DOCK9: variants seen among roughly 807,000 people sequenced by gnomAD.
DOCK9 encodes the protein dedicator of cytokinesis 9, also known as dedicator of cytokinesis protein 9.
DOCK9 carries 89 observed loss-of-function variants against 263.3 expected under a neutral mutation model. The observed-to-expected ratio is 0.34, with a 90% CI of 0.28 to 0.40. The LOEUF (loss-of-function observed/expected upper bound fraction) is 0.40, where lower values mean the gene tolerates loss of function less well. Ranked by LOEUF, DOCK9 falls within the 10% of genes least tolerant of loss-of-function variation. The probability of loss-of-function intolerance (pLI) is 1.00; values close to 1 mark genes in which losing one functional copy is unlikely to be tolerated. For synonymous variants in DOCK9, 976 were observed against 973.1 expected (o/e 1.00, Z -0.06); for missense variants, 2,140 against 2,603.4 (o/e 0.82, Z 3.87).
intron 25 of DOCK9, 139 bp downstream of exon 25, chr13:98,881,419 C>A: frequency 1.6e-6 from 1 of 640,100 alleles, no homozygotes. Flanking sequence ...CAGGTACAAG[C>A]ATTGGCTATG....
intron 36 of DOCK9, among the ~76,000 whole-genome samples, chr13:98,849,596 C>T (rs1463315139): frequency 2.0e-5 from 3 of 151,994 alleles, no homozygotes; most frequent in Non-Finnish European, 2.9e-5. Context: ...AAGTAAAGAG[C>T]TTAAAGGAAA....
chr13:98,865,872 T>C (rs1265728373), intron 30 of DOCK9, among the ~76,000 whole-genome samples: 3 of 151,164 alleles, frequency 2.0e-5, no homozygotes, highest in Non-Finnish European at 2.9e-5. Flanking sequence ...GGGAGGAAGA[T>C]GAGGATTCCC....
chr13:98,881,922 G>A lies in DOCK9; in HGVS notation c.2645C>T (p.Thr882Ile), dbSNP rs1473802208. Residue 882 changes from threonine (T) to isoleucine (I), a missense_variant, in exon 24 of 53, where the codon ACA becomes ATA. Coordinates refer to ENST00000682017, the MANE Select transcript of DOCK9 (RefSeq NM_001366683.2). Reference sequence around the variant, plus strand: ...CACGTTAACCGCGACTTCTTCCTGTGTGGCTCTGGTGAGGACTCGGAACAG... The same window carrying A: ...CACGTTAACCGCGACTTCTTCCTGTATGGCTCTGGTGAGGACTCGGAACAG... ...NQLFRVLTRATQEEVAVNVTR... is the reference protein window; with the variant it reads ...NQLFRVLTRAIQEEVAVNVTR... 6.3e-7 allele frequency: 1 copy of A among 1,593,852 alleles called. No individual in the cohort carries two copies. Among genetic ancestry groups the A allele is most frequent in the Non-Finnish European group, 8.5e-7 (1 of 1,170,092 alleles).
chr13:98,934,882 G>C (rs918536076), intron 2 of DOCK9, among the ~76,000 whole-genome samples: 1 of 152,128 alleles, frequency 6.6e-6, no homozygotes, highest in African/African-American at 2.4e-5. Context: ...CACCTTACTG[G>C]GTCCCTACTT....
intron 10 of DOCK9, 62 bp downstream of exon 10, chr13:98,904,569 GC>G: frequency 1.7e-6 from 2 of 1,184,650 alleles, no homozygotes; most frequent in Non-Finnish European, 2.4e-6. Flanking sequence ...AAACAAATAA[GC>G]CCATCGATGA....
Position 98,876,721 on chromosome 13 carries a change from A to T in DOCK9, c.2943+3177T>A, listed in dbSNP as rs148678551. 7.2e-5 allele frequency among the ~76,000 whole-genome samples: 11 copies of T among 152,350 alleles called. No individual in the cohort carries two copies. In the East Asian group the frequency reaches 1.5e-3, roughly 21 times the overall value. ...TTAAGATACGAGACACACTGAATGAAGGCTTTAAGAAAATGTTAGAGGAGC... is the reference window on the plus strand; with the variant it reads ...TTAAGATACGAGACACACTGAATGATGGCTTTAAGAAAATGTTAGAGGAGC... On this transcript the variant is annotated intron_variant, in intron 27 of 52. Coordinates refer to ENST00000682017, the MANE Select transcript of DOCK9 (RefSeq NM_001366683.2).
intron 30 of DOCK9, among the ~76,000 whole-genome samples, chr13:98,863,814 T>C (rs1477930875): frequency 6.6e-6 from 1 of 152,204 alleles, no homozygotes; most frequent in Non-Finnish European, 1.5e-5. Flanking sequence ...GCATCCTACA[T>C]AATTAAATTA....
chr13:98,834,866 T>A (rs897004750), intron 39 of DOCK9, among the ~76,000 whole-genome samples: 2 of 152,186 alleles, frequency 1.3e-5, no homozygotes, highest in Admixed American at 6.5e-5. Flanking sequence ...ACTCACTTCA[T>A]CTTTCTCTCT....
intron 1 of DOCK9, among the ~76,000 whole-genome samples, chr13:99,049,279 T>G (rs1024754065): frequency 1.3e-5 from 2 of 152,180 alleles, no homozygotes; most frequent in Non-Finnish European, 2.9e-5. Flanking sequence ...CCTCAGAATA[T>G]CTGGCCAAAA....
At chr13:98,986,223 C>T (rs1021592769) in intron 1 of DOCK9, among the ~76,000 whole-genome samples, 2 of 152,218 alleles carry the variant, frequency 1.3e-5, no homozygotes, top group African/African-American at 2.4e-5. Context: ...GTTAAACTTA[C>T]TTAAAGCAAG....
chr13:98,977,730 A>AT, intron 1 of DOCK9, 54 bp downstream of exon 1: 1 of 1,581,834 alleles, frequency 6.3e-7, no homozygotes. Flanking sequence ...CACACGCACA[A>AT]TAAGAACCCA....
intron 1 of DOCK9, among the ~76,000 whole-genome samples, chr13:98,999,316 A>ACACACACTCT: frequency 1.7e-4 from 23 of 138,370 alleles, no homozygotes; most frequent in South Asian, 1.6e-3. Flanking sequence ...ACACACACAC[A>ACACACACTCT]CTCTCTCTCT....
upstream of DOCK9, among the ~76,000 whole-genome samples, chr13:99,087,057 G>A (rs2042364375): frequency 6.6e-6 from 1 of 151,880 alleles, no homozygotes; most frequent in Admixed American, 6.5e-5. Flanking sequence ...CCCCCCCTCT[G>A]CGCCCGGGGC....
intron 37 of DOCK9, among the ~76,000 whole-genome samples, chr13:98,848,071 G>C (rs1482349305): frequency 6.6e-6 from 1 of 152,226 alleles, no homozygotes; most frequent in East Asian, 1.9e-4. Flanking sequence ...AGAGTAGGAA[G>C]AGAAAAGGCT....
chr13:98,912,914 A>G (rs2050288131), intron 9 of DOCK9, among the ~76,000 whole-genome samples: 1 of 152,314 alleles, frequency 6.6e-6, no homozygotes, highest in African/African-American at 2.4e-5. Flanking sequence ...GAAATTATGA[A>G]CCCCCAAACA....
intron 1 of DOCK9, chr13:99,086,099 C>T: frequency 7.6e-7 from 1 of 1,313,496 alleles, no homozygotes; most frequent in Non-Finnish European, 9.7e-7. Flanking sequence ...CCTCTTGATT[C>T]CGCGGACCCA....
In DOCK9 at chr13:98,985,241, C is replaced by CT. The variant is rs547236741; in HGVS notation, c.130-29691dup. On this transcript the variant is annotated intron_variant, in intron 1 of 32. Transcript: ENST00000427887. ...CACATCCCACTGTTTAGAGAAGGCT[C>CT]TGTCTGCAGCCATGGAAGGTTTAAG... Among the ~76,000 whole-genome samples the CT allele has an allele frequency of 2.9e-3, 436 of 152,294 alleles. 9 individuals carry two copies. The highest frequency in any genetic ancestry group is 4.0e-4 in the Non-Finnish European group (27 of 68,018).
chr13:98,825,368 C>A lies in DOCK9; in HGVS notation c.5024-864G>T, dbSNP rs899855216. 3.3e-5 allele frequency among the ~76,000 whole-genome samples: 5 copies of A among 152,160 alleles called. No individual in the cohort carries two copies. The highest frequency in any genetic ancestry group is 5.9e-5 in the Non-Finnish European group (4 of 68,032). ...ACAGAAGTAAAAACTTGAATTGAGA[C>A]TTCTACATTTAGGGAGAAAGAGGAA... On this transcript the variant is annotated intron_variant, in intron 44 of 52. Coordinates refer to ENST00000682017, the MANE Select transcript of DOCK9 (RefSeq NM_001366683.2). This position sits in a 1 kb window ranked among gnomAD's most constrained non-coding sequence, Gnocchi z 4.1.
Position 98,825,851 on chromosome 13 carries a change from TG to T in DOCK9, c.5023+978del. ...ACCAGGGCAGGGGGTCCCCGGGGGC[TG>T]GGCTGATCCTCAGGCTCACCTCCCC... On this transcript the variant is annotated intron_variant, in intron 44 of 52. Transcript: ENST00000682017. The surrounding 1 kb of genome is among the most constrained non-coding windows in gnomAD (Gnocchi z 4.1). 6.7e-7 allele frequency: 1 copy of T among 1,494,174 alleles called. No homozygotes were observed. Among genetic ancestry groups the T allele is most frequent in the Non-Finnish European group, 8.9e-7 (1 of 1,117,494 alleles). The allele number at this position is 1,494,174 out of a possible 1,614,324, so 92.6% of individuals were successfully genotyped here. A position where few individuals can be genotyped will look rare whatever the true frequency, so the allele number is the denominator to read the frequency against.
Sources: gnomAD v4.1 joint callset for allele counts (sites outside exome capture counted in the v4.1 genomes callset) on GRCh38, gnomAD v4.1.1 for gene constraint, Gnocchi (gnomAD v3.1) non-coding constraint, MANE v1.5 for transcripts, NCBI Gene and HGNC (gene_info 2026-07-23, HGNC 2026-07-21) for gene names.